Variants in PDE8B observed in about 807,000 individuals in gnomAD.
PDE8B encodes high affinity cAMP-specific and IBMX-insensitive 3',5'-cyclic phosphodiesterase 8B.
A neutral mutation model predicts 101.3 loss-of-function variants in PDE8B; 26 were observed. That is an observed-to-expected ratio of 0.26 (90% CI 0.19 to 0.36). PDE8B has a LOEUF of 0.36. Ranked by LOEUF, PDE8B falls within the 10% of genes least tolerant of loss-of-function variation. The pLI is 1.00. For synonymous variants in PDE8B, 424 were observed against 429.3 expected (o/e 0.99, Z 0.15); for missense variants, 810 against 1,163.1 (o/e 0.70, Z 4.42).
At chr5:77,307,402 C>T (rs1771478656) in intron 1 of PDE8B, among the ~76,000 whole-genome samples, 1 of 152,158 alleles carries the variant, frequency 6.6e-6, no homozygotes, top group African/African-American at 2.4e-5. Context: ...AACCAGAATT[C>T]TATATTCAGC....
chr5:77,131,420 G>A, the PDE8B span, among the ~76,000 whole-genome samples: 36 of 152,338 alleles, frequency 2.4e-4, 1 homozygote, highest in South Asian at 7.5e-3. Context: ...TCCAGGAACA[G>A]GACTAATGAC....
intron 10 of PDE8B, among the ~76,000 whole-genome samples, chr5:77,375,202 C>G (rs912701009): frequency 6.6e-6 from 1 of 152,146 alleles, no homozygotes; most frequent in Non-Finnish European, 1.5e-5. Context: ...GCGTCCTGCC[C>G]ATCCTTCTCT....
At chr5:77,177,782 A>G in the PDE8B span, among the ~76,000 whole-genome samples, 1 of 152,228 alleles carries the variant, frequency 6.6e-6, no homozygotes, top group Non-Finnish European at 1.5e-5. Context: ...GCATGGAGAC[A>G]CTAGACAAAG....
the PDE8B span, among the ~76,000 whole-genome samples, chr5:77,189,200 G>A: frequency 1.3e-5 from 2 of 152,128 alleles, no homozygotes; most frequent in East Asian, 1.9e-4. Flanking sequence ...TCCCCACTCT[G>A]ACTTGTCATC....
rs188438666 is a variant in PDE8B at position 77,273,848 on chromosome 5, G to A, written c.340-38146G>A. 1.8e-3 allele frequency among the ~76,000 whole-genome samples: 265 copies of A among 150,756 alleles called. 2 individuals carry two copies. Among genetic ancestry groups the A allele is most frequent in the Admixed American group, 5.9e-3 (90 of 15,174 alleles). On this transcript the variant is annotated intron_variant, in intron 1 of 21. Coordinates refer to ENST00000264917, the MANE Select transcript of PDE8B (RefSeq NM_003719.5). The stretch of plus-strand genomic sequence containing the variant: ...ATTTTTTATTTTTTTTTGAGATGGA[G>A]TTTCATTCTTGTTGCCCAGGCTGGA...
chr5:77,188,244 C>T, the PDE8B span, among the ~76,000 whole-genome samples: 1 of 151,964 alleles, frequency 6.6e-6, no homozygotes, highest in Non-Finnish European at 1.5e-5. Flanking sequence ...TCCTGGCTTT[C>T]GATGGAATGA....
the PDE8B span, among the ~76,000 whole-genome samples, chr5:77,183,188 C>T: frequency 0.021 from 3,140 of 151,738 alleles, 108 homozygotes; most frequent in African/African-American, 0.072. Flanking sequence ...GGTTTGATCT[C>T]GGCTCACTGC....
At chr5:77,295,589 C>G (rs1768343170) in intron 1 of PDE8B, among the ~76,000 whole-genome samples, 1 of 152,186 alleles carries the variant, frequency 6.6e-6, no homozygotes, top group South Asian at 2.1e-4. Context: ...GCACCTGTAG[C>G]TTGTGTGGCC....
intron 18 of PDE8B, 62 bp from the exon 19 acceptor site, chr5:77,419,705 G>A (rs1796237790): frequency 1.6e-5 from 26 of 1,596,816 alleles, no homozygotes; most frequent in Non-Finnish European, 2.1e-5. Flanking sequence ...TGAAATGGTG[G>A]CAGAATAGTT....
intron 1 of PDE8B, among the ~76,000 whole-genome samples, chr5:77,279,580 G>A (rs899296768): frequency 2.6e-5 from 4 of 152,162 alleles, no homozygotes; most frequent in African/African-American, 9.7e-5. Context: ...TGTGTCACGT[G>A]TTTTCTAGAT....
chr5:77,272,272 A>G (rs1762961039), intron 1 of PDE8B, among the ~76,000 whole-genome samples: 1 of 152,204 alleles, frequency 6.6e-6, no homozygotes, highest in Non-Finnish European at 1.5e-5. Flanking sequence ...CTAAACTGGT[A>G]ATGACTTCAT....
intron 1 of PDE8B, among the ~76,000 whole-genome samples, chr5:77,254,223 T>C (rs1312523625): frequency 6.6e-6 from 1 of 151,948 alleles, no homozygotes; most frequent in Admixed American, 6.5e-5. Context: ...TGTTAACTCT[T>C]TAGAAATTGA....
At chr5:77,109,827 G>A in the PDE8B span, among the ~76,000 whole-genome samples, 5 of 151,012 alleles carry the variant, frequency 3.3e-5, no homozygotes, top group African/African-American at 7.3e-5. Flanking sequence ...AGCACCATTC[G>A]TATAGAAGAA....
chr5:77,170,818 T>G, the PDE8B span, among the ~76,000 whole-genome samples: 1 of 152,242 alleles, frequency 6.6e-6, no homozygotes, highest in Non-Finnish European at 1.5e-5. Context: ...CAGAAGAAAT[T>G]ATATCACTGT....
At position 77,421,411 on chromosome 5, in the gene PDE8B, T is replaced by C. The variant is rs139861444; in HGVS notation, c.2251-410T>C. ...GTGCCACTGCCCTACCTGAAATGCATTAAAGTAGCTAAAAGCTCTGCTTTT... is the reference window on the plus strand; with the variant it reads ...GTGCCACTGCCCTACCTGAAATGCACTAAAGTAGCTAAAAGCTCTGCTTTT... On this transcript the variant is annotated intron_variant, in intron 19 of 21. Coordinates refer to ENST00000264917, the MANE Select transcript of PDE8B (RefSeq NM_003719.5). 1.3e-4 allele frequency among the ~76,000 whole-genome samples: 20 copies of C among 152,238 alleles called. No individual in the cohort carries two copies. The East Asian group carries it at 3.9e-3, about 29-fold the overall frequency.
intron 17 of PDE8B, among the ~76,000 whole-genome samples, 185 bp downstream of exon 17, chr5:77,413,494 C>T (rs557853489): frequency 1.1e-4 from 17 of 152,220 alleles, no homozygotes; most frequent in African/African-American, 4.1e-4. Flanking sequence ...TCTGCCAGCC[C>T]TCCCCTCCTC....
intron 1 of PDE8B, chr5:77,290,277 C>T (rs751176165): frequency 3.3e-5 from 51 of 1,558,084 alleles, no homozygotes; most frequent in Non-Finnish European, 4.3e-5. Flanking sequence ...CATGTCCACT[C>T]TCCTCATCAA....
the PDE8B span, among the ~76,000 whole-genome samples, chr5:77,194,637 C>T: frequency 6.6e-6 from 1 of 152,168 alleles, no homozygotes; most frequent in African/African-American, 2.4e-5. Context: ...TGGCAAGCAC[C>T]TGCTCTCTGT....
chr5:77,166,277 G>A, the PDE8B span, among the ~76,000 whole-genome samples: 1 of 150,364 alleles, frequency 6.7e-6, no homozygotes, highest in Non-Finnish European at 1.5e-5. Flanking sequence ...ACCTTCTGTG[G>A]TCAAAGAAAC....
Sources: gnomAD v4.1 joint callset for allele counts (sites outside exome capture counted in the v4.1 genomes callset) on GRCh38, gnomAD v4.1.1 for gene constraint, MANE v1.5 for transcripts, NCBI Gene and HGNC (gene_info 2026-07-23, HGNC 2026-07-21) for gene names.